SYNM: variants seen among roughly 807,000 people sequenced by gnomAD.
SYNM encodes synemin.
A neutral mutation model predicts 104.0 loss-of-function variants in SYNM; 95 were observed. That is an observed-to-expected ratio of 0.91 (90% CI 0.77 to 1.08). SYNM has a LOEUF of 1.08. Ranked by LOEUF, SYNM falls within the 50% of genes least tolerant of loss-of-function variation. SYNM has a pLI of 0.00. For missense variants in SYNM, 2,150 were observed against 2,052.2 expected (o/e 1.05, Z -0.92); for synonymous variants, 918 against 869.0 (o/e 1.06, Z -0.99).
Position 99,129,622 on chromosome 15 carries a change from G to A in SYNM, c.1262G>A (p.Ser421Asn), listed in dbSNP as rs139926634. 3.0e-5 allele frequency: 49 copies of A among 1,613,946 alleles called. No homozygotes were observed. The East Asian group carries it at 8.9e-4, about 29-fold the overall frequency. Residue 421 changes from serine (S) to asparagine (N), a missense_variant, in exon 4 of 4, where the codon AGT becomes AAT. Physicochemically the swap from Ser to Asn is conservative, Grantham distance 46. Coordinates refer to ENST00000336292, the MANE Select transcript of SYNM (RefSeq NM_145728.3). ...QENSYGKAVSSQTNVRTFSPT... is the reference protein window; with the variant it reads ...QENSYGKAVSNQTNVRTFSPT... Reference sequence around the variant, plus strand: ...AACTCATACGGAAAAGCCGTCAGCAGTCAAACCAACGTCAGAACTTTCTCT... The same window carrying A: ...AACTCATACGGAAAAGCCGTCAGCAATCAAACCAACGTCAGAACTTTCTCT...
chr15:99,125,511 G>T (rs1400328920), intron 2 of SYNM, among the ~76,000 whole-genome samples: 1 of 152,266 alleles, frequency 6.6e-6, no homozygotes, highest in Non-Finnish European at 1.5e-5. Flanking sequence ...GGCCCGCTGT[G>T]TGCGCCTTCG....
At position 99,135,012 on chromosome 15, in the gene SYNM, CCT is replaced by C. The variant is rs1239886570; in HGVS notation, c.*1956_*1957del. On this transcript the variant is annotated 3_prime_UTR_variant, in exon 4 of 4. Coordinates refer to ENST00000336292, the MANE Select transcript of SYNM (RefSeq NM_145728.3). ...GGTGAGAATTTGGTCAAGGTGACAG[CCT>C]CCTGTCTGATGACAGGACAGACTGG... The C allele has an allele frequency of 2.0e-5, 3 of 152,318 alleles. No individual in the cohort carries two copies. Among genetic ancestry groups the C allele is most frequent in the African/African-American group, 7.2e-5 (3 of 41,454 alleles). The allele number at this position is 152,318 out of a possible 1,614,324, so 9.4% of individuals were successfully genotyped here.
downstream of SYNM, chr15:99,137,448 C>G (rs2067680645): frequency 6.6e-6 from 1 of 152,400 alleles, no homozygotes; most frequent in Non-Finnish European, 1.5e-5. Context: ...GGCCTCCTGC[C>G]CCTCCTACTG....
intron 2 of SYNM, among the ~76,000 whole-genome samples, chr15:99,119,728 C>G (rs138278216): frequency 1.3e-5 from 2 of 152,302 alleles, no homozygotes; most frequent in East Asian, 3.8e-4. Context: ...CAACTCATTC[C>G]TCTTAAGTCT....
chr15:99,138,319 AT>A (rs1233034058), downstream of SYNM, among the ~76,000 whole-genome samples: 33 of 146,490 alleles, frequency 2.3e-4, no homozygotes, highest in South Asian at 8.6e-4. Flanking sequence ...TATTTTTTTA[AT>A]TTTTTTTTTT....
Position 99,106,009 on chromosome 15 carries a change from G to T in SYNM, c.810G>T (p.Gln270His). The T allele has an allele frequency of 6.9e-7, 1 of 1,453,518 alleles. No individual in the cohort carries two copies. The highest frequency in any genetic ancestry group is 9.0e-7 in the Non-Finnish European group (1 of 1,108,408). The allele number at this position is 1,453,518 out of a possible 1,614,324, so 90.0% of individuals were successfully genotyped here. Residue 270 changes from glutamine (Q) to histidine (H), a missense_variant and splice_region_variant, in exon 1 of 4, where the codon CAG becomes CAT. Transcript: ENST00000336292. ...ACGGGATACAGGCCGAGGAGCGGCA[G>T]GTCCGTGCGCGGGGATGGCGCGCTG... ...EEYGIQAEER[Q>H]RVIDCLEDEK...
At chr15:99,123,607 C>G (rs1555484772) in intron 2 of SYNM, among the ~76,000 whole-genome samples, 1 of 152,208 alleles carries the variant, frequency 6.6e-6, no homozygotes, top group East Asian at 1.9e-4. Flanking sequence ...CTTCCTCTGT[C>G]GCAGTGAGGA....
chr15:99,141,253 G>A, the SYNM span, among the ~76,000 whole-genome samples: 1 of 151,596 alleles, frequency 6.6e-6, no homozygotes, highest in Non-Finnish European at 1.5e-5. Context: ...ATATGTATGT[G>A]TATATATAAC....
chr15:99,121,793 A>G (rs2067403781), intron 2 of SYNM, among the ~76,000 whole-genome samples: 1 of 152,242 alleles, frequency 6.6e-6, no homozygotes, highest in Non-Finnish European at 1.5e-5. Context: ...AAATGCAAGA[A>G]TACCCAGGGG....
chr15:99,116,712 G>C lies in SYNM; in HGVS notation c.935+2997G>C, dbSNP rs965979959. Among the ~76,000 whole-genome samples, 2 of 142,394 alleles carry C rather than the reference G, an allele frequency of 1.4e-5. 1 individual carries two copies. The allele number at this position is 142,394 out of a possible 152,430, so 93.4% of individuals were successfully genotyped here. A position where few individuals can be genotyped will look rare whatever the true frequency, so the allele number is the denominator to read the frequency against. On this transcript the variant is annotated intron_variant, in intron 2 of 3. Transcript: ENST00000336292. ...ACATGGAGTCTCACTCTGTCACCCA[G>C]GCTGGAGTGTGGTGGTGCGATCTTG...
At chr15:99,115,851 T>C (rs1203827627) in intron 2 of SYNM, among the ~76,000 whole-genome samples, 1 of 152,230 alleles carries the variant, frequency 6.6e-6, no homozygotes, top group East Asian at 1.9e-4. Context: ...ACGTTGCTTG[T>C]AGTTTACATT....
At position 99,130,043 on chromosome 15, in the gene SYNM, T is replaced by TAAGGAGAAGGACTCACCG. The variant is rs782115542; in HGVS notation, c.1693_1710dup (p.Asp565_Lys570dup). ...AAAGCCAGCAGATGAAGGAGAAGGC[T>TAAGGAGAAGGACTCACCG]AAGGAGAAGGACTCACCGAAGGAGA... On this transcript the variant is annotated inframe_insertion, in exon 4 of 4. Transcript: ENST00000336292. 14 of 1,613,656 alleles carry TAAGGAGAAGGACTCACCG rather than the reference T, an allele frequency of 8.7e-6. No individual in the cohort carries two copies.
At position 99,129,550 on chromosome 15, in the gene SYNM, G is replaced by C. The variant is rs2067477952; in HGVS notation, c.1190G>C (p.Gly397Ala). 1 of 1,613,924 alleles carries C rather than the reference G, an allele frequency of 6.2e-7. No individual in the cohort carries two copies. Among genetic ancestry groups the C allele is most frequent in the Non-Finnish European group, 8.5e-7 (1 of 1,179,892 alleles). Residue 397 changes from glycine to alanine, a missense_variant, in exon 4 of 4, where the codon GGC becomes GCC. Transcript: ENST00000336292. ...TCTATTGGAGGTGATGCCAGAAGAG[G>C]CTTCTTGGGCTCGGGATATTCTTCC... is the stretch of plus-strand genomic sequence containing the variant. ...GTSIGGDARR[G>A]FLGSGYSSSA...
Position 99,105,513 on chromosome 15 carries a change from C to A in SYNM, c.314C>A (p.Ala105Asp). Reference sequence around the variant, plus strand: ...CGCCTGGATGCGGAGGAGCGCGCCGCCCGCGGCCGCCTGGACGCCGAGCTG... The same window carrying A: ...CGCCTGGATGCGGAGGAGCGCGCCGACCGCGGCCGCCTGGACGCCGAGCTG... ...LQRLDAEERA[A>D]RGRLDAELGA... Residue 105 changes from alanine (A) to aspartate (D), a missense_variant, in exon 1 of 4, where the codon GCC becomes GAC. Physicochemically the swap from Ala to Asp is moderately radical, Grantham distance 126 (BLOSUM62 -2). Coordinates refer to ENST00000336292, the MANE Select transcript of SYNM (RefSeq NM_145728.3). The A allele has an allele frequency of 7.9e-7, 1 of 1,266,766 alleles. No homozygotes were observed. Among genetic ancestry groups the A allele is most frequent in the Non-Finnish European group, 9.9e-7 (1 of 1,009,480 alleles). 78.5% of individuals were successfully genotyped at this position (1,266,766 alleles called of 1,614,324 possible). A position where few individuals can be genotyped will look rare whatever the true frequency, so the allele number is the denominator to read the frequency against.
chr15:99,140,330 A>T (rs2068081031), downstream of SYNM: 1 of 152,212 alleles, frequency 6.6e-6, no homozygotes, highest in Non-Finnish European at 1.5e-5. Flanking sequence ...TAAGTGTGAA[A>T]TGCAAAACTT....
chr15:99,117,456 A>T (rs1233989431), intron 2 of SYNM, among the ~76,000 whole-genome samples: 6 of 152,200 alleles, frequency 3.9e-5, no homozygotes, highest in Non-Finnish European at 8.8e-5. Flanking sequence ...GTTACCCCAA[A>T]TCAGGCACTG....
At chr15:99,116,278 G>A (rs1278588455) in intron 2 of SYNM, among the ~76,000 whole-genome samples, 2 of 152,246 alleles carry the variant, frequency 1.3e-5, no homozygotes, top group Non-Finnish European at 2.9e-5. Flanking sequence ...TGAAACACAC[G>A]TTGAGTTAGA....
rs782731235 is a variant in SYNM, at chr15:99,131,165, C to T, written c.2805C>T (p.Thr935=). 15 of 1,605,040 alleles carry T rather than the reference C, an allele frequency of 9.3e-6. No homozygotes were observed. The East Asian group carries it at 3.1e-4, about 34-fold the overall frequency. ...KEIKIPHEFH[T]SMKGISSKEP... ...TTAAAATACCCCACGAATTCCACACCTCCATGAAGGGCATCTCCTCCAAGG... is the reference window on the plus strand; with the variant it reads ...TTAAAATACCCCACGAATTCCACACTTCCATGAAGGGCATCTCCTCCAAGG... Residue 935 remains threonine (T), a synonymous_variant, in exon 4 of 4, where the codon ACC becomes ACT. Transcript: ENST00000336292. This position sits in a 1 kb window ranked among gnomAD's most constrained non-coding sequence, Gnocchi z 4.3.
Position 99,105,980 on chromosome 15 carries a change from G to T in SYNM, c.781G>T (p.Glu261Ter), listed in dbSNP as rs1166500345. 4.0e-6 allele frequency: 6 copies of T among 1,511,456 alleles called. No homozygotes were observed. The highest frequency in any genetic ancestry group is 5.3e-6 in the Non-Finnish European group (6 of 1,136,748). 93.6% of individuals were successfully genotyped at this position (1,511,456 alleles called of 1,614,324 possible). Residue 261 changes from glutamate to a stop codon, truncating the protein, a stop_gained, in exon 1 of 4, where the codon GAG (glutamate) becomes TAG (stop). Transcript: ENST00000336292. LOFTEE classifies it high-confidence loss of function. ...LEDALLRMRE[E>*]YGIQAEERQR... Reference sequence around the variant, plus strand: ...GGACGCGCTGCTGCGGATGCGCGAGGAGTACGGGATACAGGCCGAGGAGCG... The same window carrying T: ...GGACGCGCTGCTGCGGATGCGCGAGTAGTACGGGATACAGGCCGAGGAGCG...
Sources: allele counts gnomAD v4.1 joint callset (sites outside exome capture counted in the v4.1 genomes callset), GRCh38; gene constraint gnomAD v4.1.1; non-coding constraint Gnocchi (gnomAD v3.1); transcripts MANE v1.5; gene names NCBI Gene and HGNC (gene_info 2026-07-23, HGNC 2026-07-21).